Variants in KRT80 observed in about 807,000 individuals in gnomAD.
KRT80 encodes the protein keratin, type II cytoskeletal 80.
A neutral mutation model predicts 51.5 loss-of-function variants in KRT80; 36 were observed. The ratio of observed to expected loss-of-function variants is 0.70; its 90% CI spans 0.54 to 0.92. The LOEUF (loss-of-function observed/expected upper bound fraction) is 0.92. Ranked by LOEUF, KRT80 falls within the 40% of genes least tolerant of loss-of-function variation. The pLI is 0.00. For missense variants in KRT80, 566 were observed against 591.7 expected (o/e 0.96, Z 0.45); for synonymous variants, 235 against 248.3 (o/e 0.95, Z 0.50).
Position 52,185,364 on chromosome 12 carries a change from T to TG in KRT80, c.509+14dup. 2.5e-6 allele frequency: 4 copies of TG among 1,597,626 alleles called. No homozygotes were observed. Among genetic ancestry groups the TG allele is most frequent in the Non-Finnish European group, 2.6e-6 (3 of 1,169,692 alleles). On this transcript the variant is annotated intron_variant, in intron 2 of 8. Transcript: ENST00000394815. ...CCTCAGGCCTTGCTCATGGCTCTCATGGGGCTCTACGTACCTGATTCGAAA... is the reference window on the plus strand; with the variant it reads ...CCTCAGGCCTTGCTCATGGCTCTCATGGGGGCTCTACGTACCTGATTCGAAA...
intron 1 of KRT80, 88 bp downstream of exon 1, chr12:52,191,515 G>T (rs528332408): frequency 2.3e-6 from 3 of 1,319,320 alleles, no homozygotes; most frequent in Non-Finnish European, 3.1e-6. Context: ...GGTGGGGCGC[G>T]GTGATCGATG....
chr12:52,190,378 C>G (rs1565700756), intron 1 of KRT80, among the ~76,000 whole-genome samples: 1 of 152,216 alleles, frequency 6.6e-6, no homozygotes, highest in Non-Finnish European at 1.5e-5. Flanking sequence ...ACAGCCACTG[C>G]AGGGTGGCAG....
intron 2 of KRT80, 39 bp downstream of exon 2, chr12:52,185,340 C>T: frequency 1.3e-6 from 2 of 1,571,402 alleles, no homozygotes; most frequent in Non-Finnish European, 1.7e-6. Context: ...GGTCCCAGCC[C>T]TCAGGCCTTG....
chr12:52,181,932 C>T (rs144527954), intron 2 of KRT80, among the ~76,000 whole-genome samples: 56 of 152,350 alleles, frequency 3.7e-4, no homozygotes, highest in African/African-American at 1.2e-3. Flanking sequence ...TAATTACAGC[C>T]GCCTGCCTAC....
intron 7 of KRT80, 32 bp downstream of exon 7, chr12:52,172,166 T>C (rs1941118283): frequency 1.2e-6 from 2 of 1,609,412 alleles, no homozygotes; most frequent in African/African-American, 2.7e-5. Flanking sequence ...CTCCTTCCCC[T>C]GCAGCCCTTC....
At position 52,172,212 on chromosome 12, in the gene KRT80, C is replaced by G; in HGVS notation, c.1164G>C (p.Glu388Asp). 1.2e-6 allele frequency: 2 copies of G among 1,613,754 alleles called. No individual in the cohort carries two copies. The highest frequency in any genetic ancestry group is 1.3e-5 in the African/African-American group (1 of 75,064). ...CTGGCTCTCACCTGCCCTCCTCGCC[C>G]TCCACCAGCTTCCTGTAGGTGGCGA... ...IEIATYRKLV[E>D]GEEGRMDSPS... is the part of the protein sequence containing the mutation. Residue 388 changes from glutamate to aspartate, a missense_variant, in exon 7 of 9, where the codon GAG (glutamate) becomes GAC (aspartate). Physicochemically the swap from Glu to Asp is conservative, Grantham distance 45 (BLOSUM62 2). Coordinates refer to ENST00000394815, the MANE Select transcript of KRT80 (RefSeq NM_182507.3).
At position 52,171,491 on chromosome 12, in the gene KRT80, G is replaced by A. The variant is rs761818433; in HGVS notation, c.1266C>T (p.Pro422=). The change falls in exon 9 of 9, where the codon CCC becomes CCT. Residue 422 remains proline (P), a synonymous_variant. Coordinates refer to ENST00000394815, the MANE Select transcript of KRT80 (RefSeq NM_182507.3). ...CTTTGCTGCCCTTCTTCTTTCGGGA[G>A]GGGGCCTTGGAGAGGCCTGATCTGG... The part of the protein sequence containing the change: ...AASRSGLSKA[P]SRKKKGSKGP... 2 of 1,612,964 alleles carry A rather than the reference G, an allele frequency of 1.2e-6. No homozygotes were observed. The highest frequency in any genetic ancestry group is 1.7e-6 in the Non-Finnish European group (2 of 1,179,450).
intron 2 of KRT80, among the ~76,000 whole-genome samples, chr12:52,185,012 A>T (rs1941380864): frequency 6.6e-6 from 1 of 152,180 alleles, no homozygotes; most frequent in African/African-American, 2.4e-5. Context: ...GTAATTTCCC[A>T]TTGCCAGAGC....
At chr12:52,172,498 C>T in intron 6 of KRT80, 80 bp from the exon 7 acceptor site, 2 of 1,325,082 alleles carry the variant, frequency 1.5e-6, no homozygotes, top group South Asian at 2.8e-5. Context: ...CGTCTCTGTC[C>T]TTGGTGGGGG....
At position 52,170,903 on chromosome 12, in the gene KRT80, G is replaced by A. The variant is rs1196060375; in HGVS notation, c.*495C>T. ...GGTCTTCAGCAGCCAGCCTTCCCAG[G>A]AATTCCAGATACAGGACAGGGCCCA... On this transcript the variant is annotated 3_prime_UTR_variant, in exon 9 of 9. Transcript: ENST00000394815. The A allele has an allele frequency of 6.4e-6, 1 of 156,196 alleles. No individual in the cohort carries two copies. The highest frequency in any genetic ancestry group is 1.4e-5 in the Non-Finnish European group (1 of 70,572). The allele number at this position is 156,196 out of a possible 1,614,324, so 9.7% of individuals were successfully genotyped here.
At chr12:52,191,278 C>T (rs1056123368) in intron 1 of KRT80, among the ~76,000 whole-genome samples, 14 of 152,198 alleles carry the variant, frequency 9.2e-5, no homozygotes, top group South Asian at 2.1e-4. Context: ...GCCATTCCTG[C>T]GAGAGGGCAC....
At chr12:52,182,992 G>A (rs1693348350) in intron 2 of KRT80, among the ~76,000 whole-genome samples, 1 of 152,188 alleles carries the variant, frequency 6.6e-6, no homozygotes, top group South Asian at 2.1e-4. Flanking sequence ...TGTTTGACCT[G>A]GTACCCTGCA....
At chr12:52,190,977 C>T (rs1294845777) in intron 1 of KRT80, among the ~76,000 whole-genome samples, 2 of 152,154 alleles carry the variant, frequency 1.3e-5, no homozygotes, top group Admixed American at 6.5e-5. Context: ...TCAGGAGGGG[C>T]GCAGGGTGCA....
chr12:52,172,196 A>T lies in KRT80; in HGVS notation c.1178+2T>A, dbSNP rs1291786663. On this transcript the variant is annotated splice_donor_variant, in intron 7 of 8. Transcript: ENST00000394815. LOFTEE classifies it high-confidence loss of function. Reference sequence around the variant, plus strand: ...CCCTTCCTCACCAGCCCTGGCTCTCACCTGCCCTCCTCGCCCTCCACCAGC... The same window carrying T: ...CCCTTCCTCACCAGCCCTGGCTCTCTCCTGCCCTCCTCGCCCTCCACCAGC... The T allele has an allele frequency of 1.9e-6, 3 of 1,612,938 alleles. No individual in the cohort carries two copies. The highest frequency in any genetic ancestry group is 2.5e-6 in the Non-Finnish European group (3 of 1,179,934).
intron 7 of KRT80, 139 bp downstream of exon 7, chr12:52,172,059 G>C (rs1941113935): frequency 1.1e-6 from 1 of 874,978 alleles, no homozygotes; most frequent in African/African-American, 1.7e-5. Flanking sequence ...GTCCCAGTTT[G>C]TAAGTGACTA....
Position 52,178,669 on chromosome 12 carries a change from C to T in KRT80, c.666+1844G>A, listed in dbSNP as rs188349493. 2.0e-5 allele frequency among the ~76,000 whole-genome samples: 3 copies of T among 152,336 alleles called. No individual in the cohort carries two copies. In the East Asian group the frequency reaches 5.8e-4, roughly 29 times the overall value. ...TGACTTGTCTCAGCTAAGTCATGCC[C>T]TCCTTGAGAGAAGGGACCTTGCCCA... On this transcript the variant is annotated intron_variant, in intron 4 of 8. Coordinates refer to ENST00000394815, the MANE Select transcript of KRT80 (RefSeq NM_182507.3).
At chr12:52,190,296 G>A (rs1941461451) in intron 1 of KRT80, among the ~76,000 whole-genome samples, 2 of 152,176 alleles carry the variant, frequency 1.3e-5, no homozygotes, top group Admixed American at 6.5e-5. Context: ...CCATTTGCTG[G>A]TTGTGTGATC....
chr12:52,175,858 C>T (rs17126363), intron 4 of KRT80, among the ~76,000 whole-genome samples: 5,013 of 152,264 alleles, frequency 0.033, 131 homozygotes, highest in South Asian at 0.098. Flanking sequence ...AGTCACTAGC[C>T]GACATTTCCC....
chr12:52,191,625 T>G lies in KRT80; in HGVS notation c.278A>C (p.Lys93Thr). Reference protein sequence around the residue: ...EKEEMKALNDKFASLIGKVQA... With the variant: ...EKEEMKALNDTFASLIGKVQA... ...CACCTTGCCAATTAGGGAGGCAAAT[T>G]TATCATTGAGGGCCTTCATCTCCTC... The change falls in exon 1 of 9, where the codon AAA (lysine) becomes ACA (threonine). Residue 93 changes from lysine (K) to threonine (T), a missense_variant. Lys to Thr is a moderately conservative substitution (Grantham distance 78). Coordinates refer to ENST00000394815, the MANE Select transcript of KRT80 (RefSeq NM_182507.3). 1 of 1,593,650 alleles carries G rather than the reference T, an allele frequency of 6.3e-7. No individual in the cohort carries two copies. The highest frequency in any genetic ancestry group is 1.1e-5 in the South Asian group (1 of 89,608).
Sources: allele counts gnomAD v4.1 joint callset (sites outside exome capture counted in the v4.1 genomes callset), GRCh38; gene constraint gnomAD v4.1.1; transcripts MANE v1.5; gene names NCBI Gene and HGNC (gene_info 2026-07-23, HGNC 2026-07-21).